FUT8: variants seen among roughly 807,000 people sequenced by gnomAD.
The protein encoded by FUT8 is alpha-(1,6)-fucosyltransferase.
Under a neutral mutation model 71.3 loss-of-function variants are expected in FUT8, and 29 were observed. The ratio of observed to expected loss-of-function variants is 0.41; its 90% CI spans 0.30 to 0.55. The LOEUF is 0.55. Among genes scored for constraint, FUT8 ranks in the 20% least tolerant of loss-of-function variants. The pLI is 0.34. For synonymous variants in FUT8, 254 were observed against 239.3 expected (o/e 1.06, Z -0.57); for missense variants, 544 against 702.1 (o/e 0.77, Z 2.55).
intron 2 of FUT8, among the ~76,000 whole-genome samples, chr14:65,549,494 A>G (rs11851013): frequency 0.13 from 19,099 of 152,120 alleles, 1,552 homozygotes; most frequent in East Asian, 0.39. Flanking sequence ...TGGAAATTCT[A>G]TATATACCCA....
intron 2 of FUT8, among the ~76,000 whole-genome samples, chr14:65,508,818 C>G (rs1293143753): frequency 6.6e-6 from 1 of 151,976 alleles, no homozygotes; most frequent in Non-Finnish European, 1.5e-5. Context: ...CTTTTATATT[C>G]TGGTTATTAA....
At chr14:65,570,292 G>A (rs1414617961) in intron 3 of FUT8, among the ~76,000 whole-genome samples, 3 of 152,042 alleles carry the variant, frequency 2.0e-5, no homozygotes, top group Non-Finnish European at 4.4e-5. Flanking sequence ...CCCAGAATCA[G>A]CAAATGCTTC....
intron 7 of FUT8, among the ~76,000 whole-genome samples, chr14:65,711,581 G>T (rs2139314761): frequency 6.6e-6 from 1 of 151,902 alleles, no homozygotes; most frequent in Non-Finnish European, 1.5e-5. Context: ...TCACCTCAAG[G>T]AAAGCACCCC....
intron 2 of FUT8, among the ~76,000 whole-genome samples, chr14:65,480,531 T>C (rs1313241472): frequency 6.6e-6 from 1 of 151,850 alleles, no homozygotes; most frequent in East Asian, 1.9e-4. Context: ...CCCAGGCTGG[T>C]TTCAATCTCC....
chr14:65,669,882 T>C lies in FUT8; in HGVS notation c.835+402T>C, dbSNP rs115062693. ...AGCATGAGCATGCATGAGAATCATC[T>C]GGAAGGTTTCATAAAACTCCATTTT... On this transcript the variant is annotated intron_variant, in intron 7 of 10. Transcript: ENST00000673929. This position sits in a 1 kb window ranked among gnomAD's most constrained non-coding sequence, Gnocchi z 4.5. 1.2e-3 allele frequency among the ~76,000 whole-genome samples: 188 copies of C among 152,292 alleles called. No individual in the cohort carries two copies. Among genetic ancestry groups the C allele is most frequent in the African/African-American group, 4.3e-3 (180 of 41,560 alleles).
intron 3 of FUT8, among the ~76,000 whole-genome samples, chr14:65,598,901 C>T (rs1236526527): frequency 6.6e-6 from 1 of 152,146 alleles, no homozygotes; most frequent in Non-Finnish European, 1.5e-5. Flanking sequence ...AGCGATTCCC[C>T]TGCCTCACCC....
the FUT8 span, among the ~76,000 whole-genome samples, chr14:65,364,009 G>A: frequency 6.6e-6 from 1 of 152,170 alleles, no homozygotes; most frequent in Non-Finnish European, 1.5e-5. Flanking sequence ...TGATTCTGAT[G>A]CAGGGGTCCA....
intron 3 of FUT8, among the ~76,000 whole-genome samples, chr14:65,587,814 A>G (rs1374936734): frequency 6.6e-6 from 1 of 152,224 alleles, no homozygotes; most frequent in Non-Finnish European, 1.5e-5. Flanking sequence ...GTCAGTCTGA[A>G]TTAATGACAA....
chr14:65,724,330 T>A lies in FUT8; in HGVS notation c.1259+7T>A. 1 of 1,566,230 alleles carries A rather than the reference T, an allele frequency of 6.4e-7. No individual in the cohort carries two copies. Among genetic ancestry groups the A allele is most frequent in the Non-Finnish European group, 8.7e-7 (1 of 1,147,158 alleles). ...TAAAGGAGGCAAAAACAAAGTAAGT[T>A]AGACCAACTAGTGATTCTAGAGTGG... On this transcript the variant is annotated splice_region_variant and intron_variant, in intron 9 of 10. Coordinates refer to ENST00000673929, the MANE Select transcript of FUT8 (RefSeq NM_001371533.1).
At chr14:65,579,915 A>G (rs1179201977) in intron 3 of FUT8, among the ~76,000 whole-genome samples, 2 of 152,086 alleles carry the variant, frequency 1.3e-5, no homozygotes, top group Non-Finnish European at 2.9e-5. Flanking sequence ...TCTAGGATCT[A>G]TTAGTTCTTA....
At chr14:65,674,833 T>G (rs1892633677) in intron 7 of FUT8, among the ~76,000 whole-genome samples, 1 of 152,200 alleles carries the variant, frequency 6.6e-6, no homozygotes, top group Admixed American at 6.5e-5. Context: ...GAGAGTGAGT[T>G]GGTACCACAT....
intron 2 of FUT8, among the ~76,000 whole-genome samples, chr14:65,544,126 T>C (rs761416392): frequency 6.6e-6 from 1 of 152,146 alleles, no homozygotes; most frequent in Admixed American, 6.5e-5. Context: ...ATCTGAATTA[T>C]AAGAATGAGC....
At chr14:65,537,981 C>T (rs971803044) in intron 2 of FUT8, among the ~76,000 whole-genome samples, 8 of 152,126 alleles carry the variant, frequency 5.3e-5, no homozygotes, top group African/African-American at 1.9e-4. Context: ...GGCAATGTGG[C>T]GGGGTGCATG....
intron 6 of FUT8, among the ~76,000 whole-genome samples, chr14:65,656,267 A>G (rs1566878706): frequency 6.6e-6 from 1 of 152,210 alleles, no homozygotes; most frequent in Non-Finnish European, 1.5e-5. Flanking sequence ...GGTTGCAGGT[A>G]CAAAGTCAAC....
intron 3 of FUT8, among the ~76,000 whole-genome samples, chr14:65,577,494 TA>T (rs1009897437): frequency 1.5e-4 from 23 of 152,156 alleles, no homozygotes; most frequent in South Asian, 6.2e-4. Context: ...AAAATGAGAT[TA>T]AAAAAATAGA....
At chr14:65,406,973 C>T (rs2065090992), upstream of FUT8, among the ~76,000 whole-genome samples, 1 of 152,166 alleles carries the variant, frequency 6.6e-6, no homozygotes, top group Non-Finnish European at 1.5e-5. Flanking sequence ...GATCCTGGAT[C>T]CTACAATGTG....
chr14:65,390,055 C>T, the FUT8 span, among the ~76,000 whole-genome samples: 15 of 151,244 alleles, frequency 9.9e-5, no homozygotes, highest in African/African-American at 3.4e-4. Context: ...GTGGGAGGAT[C>T]GCTTGAGCCC....
Position 65,574,971 on chromosome 14 carries a change from A to G in FUT8, c.203+13205A>G, listed in dbSNP as rs1431924481. 1.3e-5 allele frequency among the ~76,000 whole-genome samples: 2 copies of G among 152,134 alleles called. No homozygotes were observed. The highest frequency in any genetic ancestry group is 2.9e-5 in the Non-Finnish European group (2 of 68,014). ...ATATTGTATACTCTTTTTGTGGATG[A>G]TGGCTTTGGTTACTGGATTCCAAAG... On this transcript the variant is annotated intron_variant, in intron 3 of 10. Coordinates refer to ENST00000673929, the MANE Select transcript of FUT8 (RefSeq NM_001371533.1). The surrounding 1 kb of genome is among the most constrained non-coding windows in gnomAD (Gnocchi z 5.2).
intron 2 of FUT8, among the ~76,000 whole-genome samples, chr14:65,560,190 C>T (rs1885834417): frequency 6.6e-6 from 1 of 150,946 alleles, no homozygotes; most frequent in Non-Finnish European, 1.5e-5. Flanking sequence ...CATCTTTTTA[C>T]CACTGTTTGA....
Sources: gnomAD v4.1 joint callset for allele counts (sites outside exome capture counted in the v4.1 genomes callset) on GRCh38, gnomAD v4.1.1 for gene constraint, Gnocchi (gnomAD v3.1) non-coding constraint, MANE v1.5 for transcripts, NCBI Gene and HGNC (gene_info 2026-07-23, HGNC 2026-07-21) for gene names.